CEP295: variants seen among roughly 807,000 people sequenced by gnomAD.
The protein encoded by CEP295 is centrosomal protein 295, also known as centrosomal protein of 295 kDa.
A neutral mutation model predicts 291.6 loss-of-function variants in CEP295; 190 were observed. The ratio of observed to expected loss-of-function variants is 0.65; its 90% CI spans 0.58 to 0.73. The LOEUF (loss-of-function observed/expected upper bound fraction) is 0.73. Ranked by LOEUF, CEP295 falls within the 30% of genes least tolerant of loss-of-function variation. CEP295 has a pLI of 0.00. For synonymous variants in CEP295, 993 were observed against 1,038.8 expected, an observed-to-expected ratio of 0.96 and a Z score of 0.85; for missense variants, 2,863 against 2,949.4, an observed-to-expected ratio of 0.97 and a Z score of 0.68.
At chr11:93,674,895 TTGTG>T (rs1950617796) in intron 5 of CEP295, among the ~76,000 whole-genome samples, 1 of 152,250 alleles carries the variant, frequency 6.6e-6, no homozygotes, top group East Asian at 1.9e-4. Flanking sequence ...TCACAGTGCC[TTGTG>T]TAATGTTTAA....
At chr11:93,705,742 A>G (rs1243322804) in intron 17 of CEP295, among the ~76,000 whole-genome samples, 1 of 152,028 alleles carries the variant, frequency 6.6e-6, no homozygotes, top group East Asian at 1.9e-4. Flanking sequence ...ATGTCTTCAT[A>G]TTTGAACGGG....
chr11:93,699,041 CT>C lies in CEP295; in HGVS notation c.4133del (p.Leu1378TyrfsTer22). The stretch of plus-strand genomic sequence containing the variant: ...TAGACAAGAAGCTCGGGAAGAATTA[CT>C]TTTACATCAGAGTGAATGGGAGGGA... ...LARQEAREEL[L>X]LHQSEWEGRI... On this transcript the variant is annotated frameshift_variant, in exon 15 of 30. Coordinates refer to ENST00000325212, the MANE Select transcript of CEP295 (RefSeq NM_033395.2). LOFTEE classifies it high-confidence loss of function. 6.5e-7 allele frequency: 1 copy of C among 1,546,338 alleles called. No homozygotes were observed. The highest frequency in any genetic ancestry group is 1.2e-5 in the South Asian group (1 of 84,052).
rs1951926368 is a variant in CEP295, at chr11:93,697,798, T to C, written c.2886T>C (p.Asp962=). 6.4e-7 allele frequency: 1 copy of C among 1,551,640 alleles called. No homozygotes were observed. Among genetic ancestry groups the C allele is most frequent in the African/African-American group, 1.4e-5 (1 of 73,072 alleles). Residue 962 remains aspartate, a synonymous_variant, in exon 15 of 30, where the codon GAT becomes GAC. Transcript: ENST00000325212. ...FLQEQLNIQK[D]SLQARREAQE... ...AAGAGCAGTTGAATATTCAGAAGGA[T>C]AGCCTTCAGGCTAGGCGAGAAGCCC...
At position 93,706,739 on chromosome 11, in the gene CEP295, C is replaced by T. The variant is rs1290669220; in HGVS notation, c.5597-6C>T. ...AATTGAAGTGGAAATATTTTTTCCC[C>T]CCCAGGTAAACCAGGTATTTATGAA... On this transcript the variant is annotated splice_region_variant and splice_polypyrimidine_tract_variant and intron_variant, in intron 17 of 29. Transcript: ENST00000325212. 4 of 1,510,650 alleles carry T rather than the reference C, an allele frequency of 2.6e-6. No individual in the cohort carries two copies. The highest frequency in any genetic ancestry group is 4.8e-5 in the Admixed American group (2 of 41,300). The allele number at this position is 1,510,650 out of a possible 1,614,324, so 93.6% of individuals were successfully genotyped here.
In CEP295 at chr11:93,706,904, A is replaced by G; in HGVS notation, c.5749+7A>G. On this transcript the variant is annotated splice_region_variant and intron_variant, in intron 18 of 29. Transcript: ENST00000325212. ...GATGACTATGATGAAGCAGGTGAGA[A>G]ATAAATGGAAAGTGGAATTGTATGC... The G allele has an allele frequency of 6.5e-7, 1 of 1,526,916 alleles. No individual in the cohort carries two copies. The highest frequency in any genetic ancestry group is 8.8e-7 in the Non-Finnish European group (1 of 1,133,520). 94.6% of individuals were successfully genotyped at this position (1,526,916 alleles called of 1,614,324 possible).
At chr11:93,674,054 C>T (rs767642978) in intron 5 of CEP295, among the ~76,000 whole-genome samples, 2 of 151,858 alleles carry the variant, frequency 1.3e-5, no homozygotes, top group African/African-American at 2.4e-5. Flanking sequence ...CCTCCGACCC[C>T]TAGGTTCAAG....
chr11:93,675,434 T>C (rs1219359176), intron 5 of CEP295, 137 bp from the exon 6 acceptor site: 4 of 450,310 alleles, frequency 8.9e-6, no homozygotes, highest in African/African-American at 2.1e-5. Flanking sequence ...AAAAATTTGA[T>C]TTCATTATGA....
chr11:93,688,360 C>T (rs1951350976), intron 10 of CEP295, among the ~76,000 whole-genome samples: 1 of 152,114 alleles, frequency 6.6e-6, no homozygotes, highest in South Asian at 2.1e-4. Flanking sequence ...ACTATATTTC[C>T]AGAAGTTACA....
chr11:93,699,684 GT>G lies in CEP295; in HGVS notation c.4775del (p.Leu1592TyrfsTer12), dbSNP rs760034077. On this transcript the variant is annotated frameshift_variant, in exon 15 of 30. Transcript: ENST00000325212. LOFTEE classifies it high-confidence loss of function. Reference protein sequence around the residue: ...EIPRLQDRLLSLSKPILPQQD... With the variant: ...EIPRLQDRLLXLSKPILPQQD... ...CCAAGATTACAGGATAGACTTTTGA[GT>G]TTATCAAAGCCTATTCTGCCTCAGC... 12 of 1,551,312 alleles carry G rather than the reference GT, an allele frequency of 7.7e-6. No homozygotes were observed. Among genetic ancestry groups the G allele is most frequent in the Non-Finnish European group, 1.0e-5 (12 of 1,147,022 alleles).
chr11:93,691,681 A>G lies in CEP295; in HGVS notation c.1337-2A>G. 2 of 1,509,958 alleles carry G rather than the reference A, an allele frequency of 1.3e-6. No individual in the cohort carries two copies. The highest frequency in any genetic ancestry group is 1.8e-6 in the Non-Finnish European group (2 of 1,115,372). The allele number at this position is 1,509,958 out of a possible 1,614,324, so 93.5% of individuals were successfully genotyped here. A position where few individuals can be genotyped will look rare whatever the true frequency, so the allele number is the denominator to read the frequency against. On this transcript the variant is annotated splice_acceptor_variant, in intron 10 of 29. Transcript: ENST00000325212. LOFTEE classifies it high-confidence loss of function. ...AAATAACAGTGGTATTATCTATTACAGTTGTTGAAAGTGATACACTAACAA... is the reference window on the plus strand; with the variant it reads ...AAATAACAGTGGTATTATCTATTACGGTTGTTGAAAGTGATACACTAACAA...
chr11:93,673,657 C>T (rs1950552596), intron 5 of CEP295, among the ~76,000 whole-genome samples: 1 of 151,974 alleles, frequency 6.6e-6, no homozygotes, highest in African/African-American at 2.4e-5. Context: ...CCATGCCTGG[C>T]TAATTTTTGA....
rs147851443 is a variant in CEP295 at position 93,663,094 on chromosome 11, C to G, written c.-27+1320C>G. On this transcript the variant is annotated intron_variant, in intron 1 of 29. Transcript: ENST00000325212. ...CTGTCCCAGATTAAGGGGGACATGA[C>G]AACTTTGACATGAGAATGTAACTCA... 1.4e-3 allele frequency among the ~76,000 whole-genome samples: 209 copies of G among 152,326 alleles called. 1 individual carries two copies. Among genetic ancestry groups the G allele is most frequent in the African/African-American group, 4.7e-3 (195 of 41,576 alleles).
At chr11:93,704,012 G>T (rs906132212) in intron 17 of CEP295, among the ~76,000 whole-genome samples, 3 of 151,726 alleles carry the variant, frequency 2.0e-5, no homozygotes, top group Non-Finnish European at 4.4e-5. Flanking sequence ...CTTGTGATCC[G>T]CCCGCCTCGG....
intron 18 of CEP295, among the ~76,000 whole-genome samples, chr11:93,709,777 C>T (rs948629092): frequency 6.6e-6 from 1 of 152,112 alleles, no homozygotes; most frequent in Admixed American, 6.6e-5. Context: ...AATCCAGGAA[C>T]ATGGAATATC....
intron 7 of CEP295, among the ~76,000 whole-genome samples, chr11:93,682,614 A>G (rs1219824711): frequency 6.6e-6 from 1 of 151,874 alleles, no homozygotes; most frequent in African/African-American, 2.4e-5. Context: ...AAAACCGTGC[A>G]ATCTCACTGC....
chr11:93,693,860 A>G (rs1463745359), intron 12 of CEP295, among the ~76,000 whole-genome samples: 1 of 152,270 alleles, frequency 6.6e-6, no homozygotes, highest in Non-Finnish European at 1.5e-5. Context: ...ATCTATGTAC[A>G]GTATGTACCT....
chr11:93,706,822 C>T lies in CEP295; in HGVS notation c.5674C>T (p.Leu1892=). Residue 1892 remains leucine, a synonymous_variant, in exon 18 of 30, where the codon CTG becomes TTG. Transcript: ENST00000325212. ...AGAACAAAGTTTCTTTGGGAGCCCA[C>T]TGGCCCATGATCCGTTTAGTTGTCT... The part of the protein sequence containing the change: ...SREQSFFGSP[L]AHDPFSCLQL... 2 of 1,550,704 alleles carry T rather than the reference C, an allele frequency of 1.3e-6. No individual in the cohort carries two copies. The highest frequency in any genetic ancestry group is 1.7e-6 in the Non-Finnish European group (2 of 1,146,470).
chr11:93,682,450 C>T (rs1385310172), intron 7 of CEP295, among the ~76,000 whole-genome samples: 1 of 152,182 alleles, frequency 6.6e-6, no homozygotes, highest in African/African-American at 2.4e-5. Context: ...CCTCGAACTC[C>T]TGACCTCAGG....
chr11:93,729,159 A>G lies in CEP295; in HGVS notation c.7303-275A>G, dbSNP rs115784901. The G allele has an allele frequency of 1.8e-3, 917 of 511,922 alleles. 10 individuals carry two copies. Among genetic ancestry groups the G allele is most frequent in the African/African-American group, 0.015 (785 of 52,240 alleles). 31.7% of individuals were successfully genotyped at this position (511,922 alleles called of 1,614,324 possible). A position where few individuals can be genotyped will look rare whatever the true frequency, so the allele number is the denominator to read the frequency against. The stretch of plus-strand genomic sequence containing the variant: ...CAACTGGTAATTTTACTAGGGGAGT[A>G]GGGAGGCAATAAGAATAAAGCTATC... On this transcript the variant is annotated intron_variant, in intron 25 of 29. Coordinates refer to ENST00000325212, the MANE Select transcript of CEP295 (RefSeq NM_033395.2).
Sources: allele counts gnomAD v4.1 joint callset (sites outside exome capture counted in the v4.1 genomes callset), GRCh38; gene constraint gnomAD v4.1.1; transcripts MANE v1.5; gene names NCBI Gene and HGNC (gene_info 2026-07-23, HGNC 2026-07-21).